Variants in CLSTN2 observed in about 807,000 individuals in gnomAD.
CLSTN2 encodes calsyntenin 2.
CLSTN2 carries 48 observed loss-of-function variants against 101.2 expected under a neutral mutation model. The ratio of observed to expected loss-of-function variants is 0.47; its 90% CI spans 0.38 to 0.60. The LOEUF (loss-of-function observed/expected upper bound fraction) is 0.60. Among genes scored for constraint, CLSTN2 ranks in the 20% least tolerant of loss-of-function variants. The probability of loss-of-function intolerance (pLI) is 0.00; values close to 1 mark genes in which losing one functional copy is unlikely to be tolerated. For synonymous variants in CLSTN2, 481 were observed against 463.6 expected (o/e 1.04, Z -0.48); for missense variants, 1,160 against 1,238.2 (o/e 0.94, Z 0.95).
At chr3:140,460,429 T>G (rs1039705552) in intron 7 of CLSTN2, 1 of 153,686 alleles carries the variant, frequency 6.5e-6, no homozygotes, top group Admixed American at 6.4e-5. Flanking sequence ...AGGGTTCTTA[T>G]GAGGATTGAA....
chr3:140,539,940 G>A (rs1935439691), intron 9 of CLSTN2, among the ~76,000 whole-genome samples: 1 of 152,162 alleles, frequency 6.6e-6, no homozygotes, highest in Admixed American at 6.5e-5. Flanking sequence ...TTTTCACACA[G>A]ATTGAGCAGA....
rs565295020 is a variant in CLSTN2 at position 140,196,121 on chromosome 3, G to A, written c.232+20048G>A. On this transcript the variant is annotated intron_variant, in intron 2 of 16. Transcript: ENST00000458420. ...CAAAGGCATCTTTCGTGTTACCGAAGAAGAATGCCTGGGAACAGCCACACT... is the reference window on the plus strand; with the variant it reads ...CAAAGGCATCTTTCGTGTTACCGAAAAAGAATGCCTGGGAACAGCCACACT... 4.7e-3 allele frequency among the ~76,000 whole-genome samples: 711 copies of A among 152,256 alleles called. 22 individuals carry two copies. Among genetic ancestry groups the A allele is most frequent in the Non-Finnish European group, 1.4e-3 (93 of 68,008 alleles).
At chr3:140,135,518 A>T (rs1395345742) in intron 1 of CLSTN2, among the ~76,000 whole-genome samples, 1 of 152,188 alleles carries the variant, frequency 6.6e-6, no homozygotes, top group East Asian at 1.9e-4. Context: ...GATAGAAGAA[A>T]TCCATGAGCA....
At chr3:140,512,703 C>G (rs1219024199) in intron 8 of CLSTN2, among the ~76,000 whole-genome samples, 1 of 152,144 alleles carries the variant, frequency 6.6e-6, no homozygotes, top group Non-Finnish European at 1.5e-5. Flanking sequence ...TTACTTTGAG[C>G]AGTATGCCCA....
chr3:139,982,372 T>A (rs1205910465), intron 1 of CLSTN2, among the ~76,000 whole-genome samples: 1 of 151,958 alleles, frequency 6.6e-6, no homozygotes, highest in Non-Finnish European at 1.5e-5. Flanking sequence ...TCTTAAATTT[T>A]TTTTTAGTTA....
At chr3:140,394,229 T>C (rs74592694) in intron 2 of CLSTN2, among the ~76,000 whole-genome samples, 6,343 of 147,268 alleles carry the variant, frequency 0.043, 260 homozygotes, top group African/African-American at 0.11. Flanking sequence ...CATAGGACAA[T>C]GGTTTTATTC....
rs767767515 is a variant in CLSTN2, at chr3:140,556,626, G to C, written c.1788G>C (p.Ala596=). The C allele has an allele frequency of 6.2e-7, 1 of 1,614,076 alleles. No individual in the cohort carries two copies. The highest frequency in any genetic ancestry group is 2.2e-5 in the East Asian group (1 of 44,858). ...SYINSRQFPT[A]GVRRLKVSSK... ...TCAACTCCAGGCAGTTCCCAACGGC[G>C]GGTGTGCGGCGCCTCAAAGTATCCT... The change falls in exon 11 of 17, where the codon GCG becomes GCC. Residue 596 remains alanine, a synonymous_variant. Transcript: ENST00000458420.
chr3:140,551,220 G>T (rs111320566), intron 10 of CLSTN2, among the ~76,000 whole-genome samples: 34,672 of 147,214 alleles, frequency 0.24, 4,620 homozygotes, highest in African/African-American at 0.49. Context: ...CTATTTTATT[G>T]GACAGTTACT....
At chr3:140,041,956 G>A (rs1481573806) in intron 1 of CLSTN2, among the ~76,000 whole-genome samples, 2 of 152,106 alleles carry the variant, frequency 1.3e-5, no homozygotes, top group East Asian at 1.9e-4. Context: ...GCCAGCCCTA[G>A]TCTTCGTTTG....
chr3:140,400,747 G>A (rs1162977647), intron 2 of CLSTN2, among the ~76,000 whole-genome samples: 2 of 152,122 alleles, frequency 1.3e-5, no homozygotes, highest in East Asian at 3.9e-4. Context: ...ACCAAGCTCA[G>A]GATGCTTCTG....
rs144595686 is a variant in CLSTN2 at position 140,232,182 on chromosome 3, G to A, written c.232+56109G>A. Among the ~76,000 whole-genome samples, 242 of 152,258 alleles carry A rather than the reference G, an allele frequency of 1.6e-3. 1 individual carries two copies. The highest frequency in any genetic ancestry group is 1.1e-3 in the Non-Finnish European group (73 of 68,016). On this transcript the variant is annotated intron_variant, in intron 2 of 16. Coordinates refer to ENST00000458420, the MANE Select transcript of CLSTN2 (RefSeq NM_022131.3). The stretch of plus-strand genomic sequence containing the variant: ...GCTTCAAAGAAAAAAGCAAATACAT[G>A]GTTCAGTCCCACCTTCAAAACTTAT...
At chr3:140,382,059 C>T (rs1372093453) in intron 2 of CLSTN2, among the ~76,000 whole-genome samples, 2 of 152,108 alleles carry the variant, frequency 1.3e-5, no homozygotes, top group African/African-American at 4.8e-5. Flanking sequence ...GTTTTTCTAC[C>T]CAAAATGCAG....
intron 8 of CLSTN2, among the ~76,000 whole-genome samples, chr3:140,528,223 T>C (rs1935182269): frequency 6.6e-6 from 1 of 152,174 alleles, no homozygotes; most frequent in African/African-American, 2.4e-5. Context: ...GAAAAGCATG[T>C]TCCAAGACTG....
intron 1 of CLSTN2, among the ~76,000 whole-genome samples, chr3:139,984,488 A>G (rs762331801): frequency 2.0e-5 from 3 of 152,118 alleles, no homozygotes; most frequent in Non-Finnish European, 4.4e-5. Context: ...CTTCATTCTT[A>G]TATGACTGGA....
At position 140,296,128 on chromosome 3, in the gene CLSTN2, G is replaced by A. The variant is rs111987579; in HGVS notation, c.233-107501G>A. Among the ~76,000 whole-genome samples, 733 of 152,126 alleles carry A rather than the reference G, an allele frequency of 4.8e-3. 1 individual carries two copies. Among genetic ancestry groups the A allele is most frequent in the Non-Finnish European group, 7.9e-3 (539 of 68,006 alleles). On this transcript the variant is annotated intron_variant, in intron 2 of 16. Coordinates refer to ENST00000458420, the MANE Select transcript of CLSTN2 (RefSeq NM_022131.3). ...GTGTCTTTTCTTGCATCTACCACCC[G>A]CAACTTCATAGCTTTAACTATCTTA...
chr3:140,430,568 T>C (rs1271711667), intron 5 of CLSTN2, among the ~76,000 whole-genome samples: 1 of 152,226 alleles, frequency 6.6e-6, no homozygotes, highest in African/African-American at 2.4e-5. Flanking sequence ...CAATAGATTA[T>C]GTGGCCCTCA....
At chr3:140,519,135 G>A (rs1277356534) in intron 8 of CLSTN2, among the ~76,000 whole-genome samples, 1 of 152,162 alleles carries the variant, frequency 6.6e-6, no homozygotes, top group East Asian at 1.9e-4. Context: ...GTGATGGTGT[G>A]GTTTTGGGTG....
At chr3:140,136,797 G>A (rs1234667671) in intron 1 of CLSTN2, among the ~76,000 whole-genome samples, 1 of 152,198 alleles carries the variant, frequency 6.6e-6, no homozygotes, top group South Asian at 2.1e-4. Flanking sequence ...ATCAATGAAT[G>A]GCAGCTCCTC....
intron 2 of CLSTN2, among the ~76,000 whole-genome samples, chr3:140,194,564 G>C (rs919725490): frequency 1.3e-5 from 2 of 152,160 alleles, no homozygotes; most frequent in African/African-American, 4.8e-5. Context: ...TTGAGGTAAT[G>C]AGTAATTTTT....
Sources: allele counts gnomAD v4.1 joint callset (sites outside exome capture counted in the v4.1 genomes callset), GRCh38; gene constraint gnomAD v4.1.1; transcripts MANE v1.5; gene names NCBI Gene and HGNC (gene_info 2026-07-23, HGNC 2026-07-21).